Variants in NRXN3 observed in about 807,000 individuals in gnomAD.
The protein encoded by NRXN3 is neurexin 3, also known as neurexin III.
In NRXN3, 32 loss-of-function variants were observed where a neutral mutation model predicts 137.6. That is an observed-to-expected ratio of 0.23 (90% CI 0.18 to 0.31). NRXN3 has a LOEUF of 0.31. NRXN3 is among the 10% of genes least tolerant of loss of function. The pLI is 1.00. For synonymous variants in NRXN3, 798 were observed against 784.5 expected (o/e 1.02, Z -0.29); for missense variants, 1,574 against 2,062.5 (o/e 0.76, Z 4.59).
intron 19 of NRXN3, among the ~76,000 whole-genome samples, chr14:79,755,541 T>G (rs1486989129): frequency 2.0e-5 from 3 of 152,014 alleles, no homozygotes; most frequent in African/African-American, 4.8e-5. Context: ...GATTTTTTTT[T>G]TTTTTTGCTA....
At chr14:79,695,929 A>T (rs987516261) in intron 18 of NRXN3, among the ~76,000 whole-genome samples, 1 of 151,932 alleles carries the variant, frequency 6.6e-6, no homozygotes, top group Non-Finnish European at 1.5e-5. Context: ...TAAAGTATAG[A>T]TCATTTTCAC....
chr14:79,060,241 T>TTAA (rs761899340), intron 15 of NRXN3, among the ~76,000 whole-genome samples: 19 of 152,212 alleles, frequency 1.2e-4, no homozygotes, highest in Non-Finnish European at 2.4e-4. Flanking sequence ...CCAAGAAGCC[T>TTAA]TAAGATAAGA....
In NRXN3 at chr14:78,966,285, A is replaced by G. The variant is rs2099417165; in HGVS notation, c.2656A>G (p.Thr886Ala). Reference sequence around the variant, plus strand: ...CAAGAGCAGCTACCTGAGCCTTGCCACTCTTCAGGCTTACACCTCCATGCA... The same window carrying G: ...CAAGAGCAGCTACCTGAGCCTTGCCGCTCTTCAGGCTTACACCTCCATGCA... The part of the protein sequence containing the change: ...KTKSSYLSLA[T>A]LQAYTSMHLF... Residue 886 changes from threonine to alanine, a missense_variant, in exon 12 of 21, where the codon ACT becomes GCT. Around this residue, in one of 5 missense-constraint regions of NRXN3, gnomAD observed 718 missense variants for 887.6 expected, o/e 0.81. Transcript: ENST00000335750. 2 of 1,613,830 alleles carry G rather than the reference A, an allele frequency of 1.2e-6. No homozygotes were observed. The highest frequency in any genetic ancestry group is 2.7e-5 in the African/African-American group (2 of 74,824).
intron 20 of NRXN3, chr14:79,853,688 C>T: frequency 2.3e-6 from 3 of 1,289,642 alleles, no homozygotes; most frequent in Non-Finnish European, 2.0e-6. Context: ...TTCCCATTCT[C>T]CCCCTTTCTT....
intron 16 of NRXN3, among the ~76,000 whole-genome samples, chr14:79,578,737 GAACAGGAAGCCTC>G (rs1397790528): frequency 6.6e-6 from 1 of 152,174 alleles, no homozygotes; most frequent in East Asian, 1.9e-4. Context: ...CCAAGTGAGA[GAACAGGAAGCCTC>G]ATCTTGCTTT....
At chr14:79,000,930 T>C (rs531085984) in intron 15 of NRXN3, among the ~76,000 whole-genome samples, 90 of 152,314 alleles carry the variant, frequency 5.9e-4, no homozygotes, top group Non-Finnish European at 1.1e-3. Context: ...ATATTTAATT[T>C]GCATTTGGAT....
At chr14:79,276,967 C>G (rs550963762) in intron 15 of NRXN3, among the ~76,000 whole-genome samples, 2 of 152,268 alleles carry the variant, frequency 1.3e-5, no homozygotes, top group Admixed American at 1.3e-4. Flanking sequence ...GAAGACTCAG[C>G]CCTCAGAGAG....
At chr14:79,658,126 T>C (rs901250922) in intron 16 of NRXN3, among the ~76,000 whole-genome samples, 1 of 152,190 alleles carries the variant, frequency 6.6e-6, no homozygotes, top group African/African-American at 2.4e-5. Flanking sequence ...AACTCAATTA[T>C]AACATGTAAA....
chr14:78,181,013 A>G (rs1347566468), intron 1 of NRXN3, among the ~76,000 whole-genome samples: 1 of 152,240 alleles, frequency 6.6e-6, no homozygotes, highest in Non-Finnish European at 1.5e-5. Flanking sequence ...TAAAGCTTCC[A>G]GGTGATCCCA....
chr14:79,015,852 C>A (rs2099578311), intron 15 of NRXN3, among the ~76,000 whole-genome samples: 1 of 152,138 alleles, frequency 6.6e-6, no homozygotes, highest in Non-Finnish European at 1.5e-5. Flanking sequence ...AATTCTCTGG[C>A]AGAATGTGAA....
chr14:79,065,990 T>C (rs2099680244), intron 15 of NRXN3, among the ~76,000 whole-genome samples: 1 of 152,128 alleles, frequency 6.6e-6, no homozygotes, highest in Non-Finnish European at 1.5e-5. Context: ...AGAAGCTCTT[T>C]AGCTTAATTA....
chr14:79,317,508 C>T (rs184202660), intron 15 of NRXN3, among the ~76,000 whole-genome samples: 6 of 152,250 alleles, frequency 3.9e-5, no homozygotes, highest in Non-Finnish European at 7.4e-5. Context: ...ATGACCTTAT[C>T]TTAGCTGATT....
At chr14:79,441,459 A>C (rs1215222428) in intron 15 of NRXN3, among the ~76,000 whole-genome samples, 1 of 134,134 alleles carries the variant, frequency 7.5e-6, no homozygotes, top group Non-Finnish European at 1.5e-5. Context: ...GGCTCACTGC[A>C]AGCTCCGCCT....
chr14:78,725,601 T>C (rs1384796002), intron 8 of NRXN3, among the ~76,000 whole-genome samples: 1 of 152,222 alleles, frequency 6.6e-6, no homozygotes, highest in African/African-American at 2.4e-5. Context: ...CAAGGCTATA[T>C]TGAGAGTAGA....
At chr14:79,027,537 G>T (rs1377766232) in intron 15 of NRXN3, among the ~76,000 whole-genome samples, 1 of 152,134 alleles carries the variant, frequency 6.6e-6, no homozygotes, top group Non-Finnish European at 1.5e-5. Context: ...CAAATTGAAG[G>T]TTGCTGCTGT....
chr14:79,036,401 T>C (rs1396795344), intron 15 of NRXN3, among the ~76,000 whole-genome samples: 1 of 151,942 alleles, frequency 6.6e-6, no homozygotes. Context: ...CTGGTGTATG[T>C]AGACTTGCGT....
At chr14:78,670,788 G>A (rs1014858207) in intron 6 of NRXN3, among the ~76,000 whole-genome samples, 3 of 152,200 alleles carry the variant, frequency 2.0e-5, no homozygotes, top group South Asian at 2.1e-4. Flanking sequence ...CTGATTGGAT[G>A]TTCCAGGTAA....
chr14:78,295,962 G>A (rs1295885756), intron 3 of NRXN3, among the ~76,000 whole-genome samples: 1 of 151,682 alleles, frequency 6.6e-6, no homozygotes, highest in African/African-American at 2.4e-5. Context: ...AATCTCAGGG[G>A]TAAAATGTTT....
intron 10 of NRXN3, among the ~76,000 whole-genome samples, chr14:78,880,885 GT>G (rs1164473422): frequency 1.3e-5 from 2 of 152,074 alleles, no homozygotes; most frequent in Admixed American, 6.5e-5. Context: ...TGGTTTGGCT[GT>G]GTCCCCACCC....
Sources: allele counts gnomAD v4.1 joint callset (sites outside exome capture counted in the v4.1 genomes callset), GRCh38; gene constraint gnomAD v4.1.1; regional missense constraint gnomAD v4.1.1; transcripts MANE v1.5; gene names NCBI Gene and HGNC (gene_info 2026-07-23, HGNC 2026-07-21).